NINL: variants seen among roughly 807,000 people sequenced by gnomAD.
The protein encoded by NINL is ninein-like protein.
A neutral mutation model predicts 160.3 loss-of-function variants in NINL; 153 were observed. The observed-to-expected ratio is 0.95, with a 90% CI of 0.84 to 1.09. The LOEUF (loss-of-function observed/expected upper bound fraction) is 1.09, where lower values mean the gene tolerates loss of function less well. NINL is among the 50% of genes least tolerant of loss of function. NINL has a pLI of 0.00. For synonymous variants in NINL, 800 were observed against 734.8 expected, an observed-to-expected ratio of 1.09 and a Z score of -1.43; for missense variants, 1,829 against 1,764.0, an observed-to-expected ratio of 1.04 and a Z score of -0.66.
chr20:25,547,153 C>A (rs2147079050), intron 1 of NINL, among the ~76,000 whole-genome samples: 1 of 152,226 alleles, frequency 6.6e-6, no homozygotes, highest in East Asian at 1.9e-4. Flanking sequence ...TCATAATAAG[C>A]CCCTTTCAAC....
chr20:25,548,395 C>G (rs1230871095), intron 1 of NINL, among the ~76,000 whole-genome samples: 1 of 152,224 alleles, frequency 6.6e-6, no homozygotes, highest in African/African-American at 2.4e-5. Flanking sequence ...CACCAAGCAG[C>G]CTGGTCTTGG....
intron 1 of NINL, among the ~76,000 whole-genome samples, chr20:25,579,735 A>G (rs1023416835): frequency 6.6e-6 from 1 of 152,160 alleles, no homozygotes; most frequent in African/African-American, 2.4e-5. Context: ...TGGATGTGAG[A>G]GGCTGTGTGC....
At chr20:25,580,061 G>A (rs965137650) in intron 1 of NINL, among the ~76,000 whole-genome samples, 8 of 152,160 alleles carry the variant, frequency 5.3e-5, no homozygotes, top group Non-Finnish European at 1.2e-4. Flanking sequence ...GGCTGGGCAT[G>A]GTGGCTCAAG....
At chr20:25,508,825 C>A (rs1474829100) in intron 5 of NINL, among the ~76,000 whole-genome samples, 1 of 152,130 alleles carries the variant, frequency 6.6e-6, no homozygotes, top group South Asian at 2.1e-4. Context: ...TACACCTGCA[C>A]CGTACATGCC....
rs148563546 is a variant in NINL, at chr20:25,510,658, G to T, written c.517+16C>A. Reference sequence around the variant, plus strand: ...GGCAAAGGCAGAGAGCACTGAATGCGAGGCTGAGGCTTTACCTTGTGCTTC... The same window carrying T: ...GGCAAAGGCAGAGAGCACTGAATGCTAGGCTGAGGCTTTACCTTGTGCTTC... On this transcript the variant is annotated intron_variant, in intron 5 of 23. Coordinates refer to ENST00000278886, the MANE Select transcript of NINL (RefSeq NM_025176.6). 3 of 1,612,466 alleles carry T rather than the reference G, an allele frequency of 1.9e-6. No individual in the cohort carries two copies. Among genetic ancestry groups the T allele is most frequent in the South Asian group, 2.2e-5 (2 of 91,024 alleles).
chr20:25,568,082 T>A (rs2065014504), intron 1 of NINL, among the ~76,000 whole-genome samples: 1 of 149,324 alleles, frequency 6.7e-6, no homozygotes, highest in South Asian at 2.1e-4. Context: ...AGAGGGGAAA[T>A]CAATAAAACT....
At chr20:25,474,963 A>G (rs1390771032) in intron 17 of NINL, among the ~76,000 whole-genome samples, 1 of 151,502 alleles carries the variant, frequency 6.6e-6, no homozygotes, top group Admixed American at 6.6e-5. Flanking sequence ...TTGTATTTTT[A>G]GTAGAGATGG....
intron 9 of NINL, among the ~76,000 whole-genome samples, chr20:25,497,602 G>C (rs996336120): frequency 1.3e-5 from 2 of 152,262 alleles, no homozygotes. Context: ...TTAGCAGACG[G>C]ATGGCCTGAA....
chr20:25,467,338 T>C, intron 19 of NINL, 51 bp downstream of exon 19: 1 of 1,366,782 alleles, frequency 7.3e-7, no homozygotes, highest in South Asian at 1.2e-5. Context: ...TTCAAAATAA[T>C]GAAAAAAAGG....
At position 25,458,373 on chromosome 20, in the gene NINL, C is replaced by T. The variant is rs1339891427; in HGVS notation, c.3843+10G>A. ...TCTCGTCAGCCATCTCTCGCTGCAT[C>T]CCCACTTACCCGCTGTGCATCCAGG... is the stretch of plus-strand genomic sequence containing the variant. On this transcript the variant is annotated intron_variant, in intron 22 of 23. Coordinates refer to ENST00000278886, the MANE Select transcript of NINL (RefSeq NM_025176.6). 3 of 1,605,412 alleles carry T rather than the reference C, an allele frequency of 1.9e-6. No individual in the cohort carries two copies. The highest frequency in any genetic ancestry group is 1.3e-5 in the African/African-American group (1 of 74,882).
chr20:25,466,481 T>A (rs2062915435), intron 19 of NINL, among the ~76,000 whole-genome samples: 1 of 152,194 alleles, frequency 6.6e-6, no homozygotes, highest in Non-Finnish European at 1.5e-5. Context: ...TCAACTTTCC[T>A]GTGTTTAAAG....
intron 15 of NINL, among the ~76,000 whole-genome samples, chr20:25,479,736 G>A (rs574882134): frequency 6.6e-6 from 1 of 152,318 alleles, no homozygotes; most frequent in African/African-American, 2.4e-5. Flanking sequence ...GAACAGAACA[G>A]GGCTAAGTTC....
In NINL at chr20:25,458,452, A is replaced by G. The variant is rs1226877662; in HGVS notation, c.3774T>C (p.Arg1258=). ...LQEVRLVPQD[R]VAELHRLLSL... is the part of the protein sequence containing the mutation. ...TGAGCAGGCGATGCAGCTCGGCCAC[A>G]CGGTCCTGGGGCACCAGCCGGACCT... Residue 1258 remains arginine (R), a synonymous_variant, in exon 22 of 24, where the codon CGT becomes CGC. Transcript: ENST00000278886. The G allele has an allele frequency of 6.2e-7, 1 of 1,605,318 alleles. No homozygotes were observed. Among genetic ancestry groups the G allele is most frequent in the Admixed American group, 1.7e-5 (1 of 60,020 alleles).
chr20:25,506,844 C>T (rs1395033992), intron 5 of NINL, among the ~76,000 whole-genome samples: 1 of 152,148 alleles, frequency 6.6e-6, no homozygotes, highest in Admixed American at 6.5e-5. Context: ...TATCTGAAAT[C>T]GCAGATCTCA....
rs572833720 is a variant in NINL, at chr20:25,477,804, T to C, written c.2202-715A>G. ...TGGATGCTGAGAGGAGAGGGGCTGC[T>C]TGTGCCTGCCCCTCTGTTCCCACTG... On this transcript the variant is annotated intron_variant, in intron 16 of 23. Coordinates refer to ENST00000278886, the MANE Select transcript of NINL (RefSeq NM_025176.6). Among the ~76,000 whole-genome samples, 13 of 152,276 alleles carry C rather than the reference T, an allele frequency of 8.5e-5. 1 individual carries two copies. The East Asian group carries it at 2.3e-3, about 27-fold the overall frequency.
chr20:25,497,298 C>A (rs1188135776), intron 9 of NINL, among the ~76,000 whole-genome samples: 1 of 152,264 alleles, frequency 6.6e-6, no homozygotes, highest in Non-Finnish European at 1.5e-5. Flanking sequence ...TCAGCTCTGC[C>A]TGGCCACCCT....
intron 21 of NINL, among the ~76,000 whole-genome samples, chr20:25,459,554 T>C (rs1480166526): frequency 6.6e-6 from 1 of 152,060 alleles, no homozygotes; most frequent in Non-Finnish European, 1.5e-5. Flanking sequence ...CTCAAGACGG[T>C]CACTCTGGCT....
At chr20:25,550,491 G>A (rs1392991726) in intron 1 of NINL, among the ~76,000 whole-genome samples, 1 of 152,110 alleles carries the variant, frequency 6.6e-6, no homozygotes. Flanking sequence ...ACCTGCACCG[G>A]CACTGGTCTC....
At chr20:25,516,946 G>C (rs1238869588) in intron 3 of NINL, among the ~76,000 whole-genome samples, 1 of 152,158 alleles carries the variant, frequency 6.6e-6, no homozygotes, top group Non-Finnish European at 1.5e-5. Context: ...AATGGTGAAT[G>C]AATCTCTTCT....
Sources: allele counts gnomAD v4.1 joint callset (sites outside exome capture counted in the v4.1 genomes callset), GRCh38; gene constraint gnomAD v4.1.1; transcripts MANE v1.5; gene names NCBI Gene and HGNC (gene_info 2026-07-23, HGNC 2026-07-21).